The following CCPG1 variants were observed in gnomAD, a reference collection of about 807,000 sequenced individuals.
The protein encoded by CCPG1 is cell cycle progression 1.
Under a neutral mutation model 81.3 loss-of-function variants are expected in CCPG1, and 46 were observed. The ratio of observed to expected loss-of-function variants is 0.57; its 90% CI spans 0.45 to 0.72. The LOEUF (loss-of-function observed/expected upper bound fraction) is 0.72, where lower values mean the gene tolerates loss of function less well. Ranked by LOEUF, CCPG1 falls within the 30% of genes least tolerant of loss-of-function variation. The pLI, the probability that CCPG1 is intolerant of heterozygous loss-of-function variation, is 0.00. For synonymous variants in CCPG1, 330 were observed against 305.2 expected (o/e 1.08, Z -0.85); for missense variants, 902 against 937.6 (o/e 0.96, Z 0.50).
At chr15:55,365,442 T>TG in intron 6 of CCPG1, 133 bp from the exon 7 acceptor site, 1 of 617,530 alleles carries the variant, frequency 1.6e-6, no homozygotes, top group South Asian at 2.1e-5. Context: ...GTTTTTTTTT[T>TG]GTTTTTTGAG....
At chr15:55,358,203 G>T in intron 8 of CCPG1, 1 of 238,686 alleles carries the variant, frequency 4.2e-6, no homozygotes, top group Non-Finnish European at 6.8e-6. Flanking sequence ...ATAAAAGTAT[G>T]CTGAGATTGG....
In CCPG1 at chr15:55,360,542, T is replaced by C. The variant is rs1347042565; in HGVS notation, c.1231A>G (p.Lys411Glu). 1 of 1,614,132 alleles carries C rather than the reference T, an allele frequency of 6.2e-7. No individual in the cohort carries two copies. Among genetic ancestry groups the C allele is most frequent in the African/African-American group, 1.3e-5 (1 of 75,040 alleles). The change falls in exon 8 of 9, where the codon AAG becomes GAG. Residue 411 changes from lysine to glutamate, a missense_variant. Lys to Glu is a moderately conservative substitution (Grantham distance 56). Transcript: ENST00000442196. ...GTATATACATTGGGAGAATCTGACT[T>C]GCCATGTAACTGACTACCACTTAAC... ...QQLSGSQLHG[K>E]SDSPNVYTEK...
At chr15:55,398,029 T>C (rs566663479) in intron 1 of CCPG1, among the ~76,000 whole-genome samples, 18 of 152,224 alleles carry the variant, frequency 1.2e-4, no homozygotes, top group South Asian at 4.2e-4. Context: ...TGGGGCATTT[T>C]AAATCTGAGA....
chr15:55,356,950 C>CT (rs1595815386), intron 8 of CCPG1: 1 of 985,688 alleles, frequency 1.0e-6, no homozygotes, highest in South Asian at 4.7e-5. Context: ...CGCACATCAA[C>CT]TTTTTAAAAA....
chr15:55,390,781 C>A (rs1354783973), intron 1 of CCPG1, among the ~76,000 whole-genome samples: 6 of 151,970 alleles, frequency 3.9e-5, no homozygotes, highest in Non-Finnish European at 8.8e-5. Flanking sequence ...AAAGGTTGGT[C>A]GCTAATAGTA....
intron 3 of CCPG1, among the ~76,000 whole-genome samples, chr15:55,382,637 G>A (rs1444017116): frequency 6.6e-6 from 1 of 151,910 alleles, no homozygotes; most frequent in African/African-American, 2.4e-5. Flanking sequence ...AGCCTCCCGA[G>A]TAGCTGGGAC....
At chr15:55,367,177 T>C (rs1417757487) in intron 6 of CCPG1, among the ~76,000 whole-genome samples, 3 of 152,220 alleles carry the variant, frequency 2.0e-5, no homozygotes, top group East Asian at 1.9e-4. Context: ...TCAAAATTAC[T>C]CAGCAGAATC....
In CCPG1 at chr15:55,355,300, C is replaced by T. The variant is rs879775251; in HGVS notation, c.*920G>A. On this transcript the variant is annotated 3_prime_UTR_variant, in exon 9 of 9. Transcript: ENST00000442196. ...TTTGCTTCTAGGAAATAAGCGCTTT[C>T]CTAATTTCAAGCAATTATAAAAGAA... 3 of 1,608,428 alleles carry T rather than the reference C, an allele frequency of 1.9e-6. No homozygotes were observed. The highest frequency in any genetic ancestry group is 1.7e-5 in the Admixed American group (1 of 59,144).
At chr15:55,375,511 TAAAG>T (rs10561564) in intron 5 of CCPG1, among the ~76,000 whole-genome samples, 16,534 of 152,014 alleles carry the variant, frequency 0.11, 1,295 homozygotes, top group African/African-American at 0.21. Flanking sequence ...CCTCCATAAA[TAAAG>T]ATACTATGAA....
chr15:55,391,935 G>A (rs1156273084), intron 1 of CCPG1, among the ~76,000 whole-genome samples: 3 of 136,368 alleles, frequency 2.2e-5, no homozygotes, highest in Non-Finnish European at 3.0e-5. Flanking sequence ...ACCCCAACAC[G>A]GAGAGGCCAA....
chr15:55,395,734 T>C (rs1274758979), intron 1 of CCPG1, among the ~76,000 whole-genome samples: 1 of 152,154 alleles, frequency 6.6e-6, no homozygotes, highest in Non-Finnish European at 1.5e-5. Flanking sequence ...TGTGCTGTAA[T>C]TGCTTGTTTA....
intron 6 of CCPG1, among the ~76,000 whole-genome samples, chr15:55,370,252 A>G (rs1399295222): frequency 6.6e-6 from 1 of 152,218 alleles, no homozygotes; most frequent in Non-Finnish European, 1.5e-5. Context: ...GGTACATGTA[A>G]TTCTTCAATC....
chr15:55,363,142 G>A (rs2056240176), intron 7 of CCPG1, among the ~76,000 whole-genome samples: 1 of 152,136 alleles, frequency 6.6e-6, no homozygotes, highest in East Asian at 1.9e-4. Flanking sequence ...GAGGTCAGGA[G>A]TTCAAGACCA....
intron 8 of CCPG1, chr15:55,358,344 C>G (rs1025786873): frequency 1.0e-6 from 1 of 983,242 alleles, no homozygotes. Context: ...GAACATATAT[C>G]CTGAAGATAA....
chr15:55,380,145 A>C lies in CCPG1; in HGVS notation c.176-1769T>G, dbSNP rs1251005554. Among the ~76,000 whole-genome samples, 4 of 151,702 alleles carry C rather than the reference A, an allele frequency of 2.6e-5. No individual in the cohort carries two copies. The East Asian group carries it at 7.7e-4, about 29-fold the overall frequency. On this transcript the variant is annotated intron_variant, in intron 3 of 8. Coordinates refer to ENST00000442196, the MANE Select transcript of CCPG1 (RefSeq NM_001204450.2). ...AGAGCATAAAATATTAAGAAAAGTT[A>C]AAAATAATATAACATATAAATTTAT...
At chr15:55,362,617 T>G (rs2056226298) in intron 7 of CCPG1, among the ~76,000 whole-genome samples, 1 of 152,122 alleles carries the variant, frequency 6.6e-6, no homozygotes, top group South Asian at 2.1e-4. Context: ...GAAAGAAGAG[T>G]ACAGCATTCC....
chr15:55,389,344 A>G, intron 2 of CCPG1, 21 bp downstream of exon 2: 1 of 1,510,260 alleles, frequency 6.6e-7, no homozygotes, highest in Non-Finnish European at 9.2e-7. Flanking sequence ...ATTACCTTAT[A>G]AAAAGTATTA....
At chr15:55,369,830 T>C (rs2056410617) in intron 6 of CCPG1, among the ~76,000 whole-genome samples, 1 of 152,182 alleles carries the variant, frequency 6.6e-6, no homozygotes, top group South Asian at 2.1e-4. Flanking sequence ...GTCATGTAAA[T>C]GGTGAAGTTT....
At chr15:55,374,113 A>G (rs1424005577) in intron 5 of CCPG1, 1 of 1,091,998 alleles carries the variant, frequency 9.2e-7, no homozygotes, top group Non-Finnish European at 1.2e-6. Context: ...GTGACTAGGC[A>G]CACTCAGCTC....
Sources: allele counts gnomAD v4.1 joint callset (sites outside exome capture counted in the v4.1 genomes callset), GRCh38; gene constraint gnomAD v4.1.1; transcripts MANE v1.5; gene names NCBI Gene and HGNC (gene_info 2026-07-23, HGNC 2026-07-21).